Variants in CDKL5 observed in about 807,000 individuals in gnomAD.
The protein encoded by CDKL5 is cyclin dependent kinase like 5, also known as cyclin-dependent kinase-like 5.
A neutral mutation model predicts 61.7 loss-of-function variants in CDKL5; 8 were observed. The ratio of observed to expected loss-of-function variants is 0.13; its 90% CI spans 0.08 to 0.23. The LOEUF (loss-of-function observed/expected upper bound fraction) is 0.23. Ranked by LOEUF, CDKL5 falls within the 10% of genes least tolerant of loss-of-function variation. The pLI is 1.00. For missense variants in CDKL5, 440 were observed against 734.5 expected, an observed-to-expected ratio of 0.60 and a Z score of 4.63; for synonymous variants, 275 against 272.3, an observed-to-expected ratio of 1.01 and a Z score of -0.10.
At chrX:18,585,420 C>CA (rs889657036) in intron 8 of CDKL5, among the ~76,000 whole-genome samples, 1 of 110,701 alleles carries the variant, frequency 9.0e-6, no homozygotes, top group East Asian at 2.8e-4. Flanking sequence ...CCCCAAAAAA[C>CA]AAAAAAATGG....
Position 18,634,147 on chromosome X carries a change from T to G in CDKL5, c.*5390T>G, listed in dbSNP as rs950210042. On this transcript the variant is annotated 3_prime_UTR_variant, in exon 18 of 18. Coordinates refer to ENST00000623535, the MANE Select transcript of CDKL5 (RefSeq NM_001323289.2). Reference sequence around the variant, plus strand: ...TCTGAAAATCGGTCTCCATGTTGTATGCAGATTAGAAGTTGCCTTGTTTGT... The same window carrying G: ...TCTGAAAATCGGTCTCCATGTTGTAGGCAGATTAGAAGTTGCCTTGTTTGT... The G allele has an allele frequency of 2.7e-6, 2 of 752,258 alleles. No individual in the cohort carries two copies. Among genetic ancestry groups the G allele is most frequent in the Admixed American group, 8.9e-5 (1 of 11,287 alleles). The allele number at this position is 752,258 out of a possible 1,213,427, so 62.0% of individuals were successfully genotyped here.
At chrX:18,461,837 TAGG>T (rs1319373625) in intron 1 of CDKL5, among the ~76,000 whole-genome samples, 6 of 112,064 alleles carry the variant, frequency 5.4e-5, no homozygotes, top group Non-Finnish European at 1.1e-4. Context: ...CTAATGGGGA[TAGG>T]AGGCACATAC....
chrX:18,506,120 G>A (rs752071334), intron 1 of CDKL5, among the ~76,000 whole-genome samples: 4 of 112,483 alleles, frequency 3.6e-5, no homozygotes, highest in South Asian at 7.4e-4. Context: ...AGGCCAGTGG[G>A]AGTCACATCA....
chrX:18,620,648 G>A (rs1282927144), intron 16 of CDKL5, among the ~76,000 whole-genome samples: 5 of 111,871 alleles, frequency 4.5e-5, no homozygotes, highest in African/African-American at 9.8e-5. Context: ...AACCCGGCCT[G>A]TAGGACAGCA....
chrX:18,548,006 C>T (rs1050902357), intron 3 of CDKL5, among the ~76,000 whole-genome samples: 1 of 110,328 alleles, frequency 9.1e-6, no homozygotes, highest in African/African-American at 3.3e-5. Context: ...TTTTATTGGC[C>T]GGGGTTGGGT....
At chrX:18,466,033 A>G (rs761764556) in intron 1 of CDKL5, among the ~76,000 whole-genome samples, 32 of 111,737 alleles carry the variant, frequency 2.9e-4, no homozygotes, top group Non-Finnish European at 2.4e-4. Flanking sequence ...TTGATAAGCT[A>G]ATTTTTTCTG....
intron 8 of CDKL5, among the ~76,000 whole-genome samples, chrX:18,587,017 G>C (rs1211389482): frequency 8.9e-6 from 1 of 112,112 alleles, no homozygotes; most frequent in East Asian, 2.8e-4. Context: ...AATGTTAACA[G>C]TCCTTTGATT....
chrX:18,594,227 AGCCCT>A (rs1925919436), intron 9 of CDKL5, among the ~76,000 whole-genome samples: 1 of 112,232 alleles, frequency 8.9e-6, no homozygotes, highest in South Asian at 3.7e-4. Context: ...GAAGCAGACT[AGCCCT>A]GACATTTGGA....
At chrX:18,473,102 C>T (rs1281216905) in intron 1 of CDKL5, among the ~76,000 whole-genome samples, 1 of 108,835 alleles carries the variant, frequency 9.2e-6, no homozygotes, top group Non-Finnish European at 1.9e-5. Context: ...ACTACAGGCA[C>T]ATGCCACCAC....
chrX:18,550,351 C>A (rs751957168), intron 3 of CDKL5, among the ~76,000 whole-genome samples: 1 of 111,609 alleles, frequency 9.0e-6, no homozygotes, highest in African/African-American at 3.3e-5. Context: ...CATCCATACC[C>A]ACAGCTGCCA....
At chrX:18,535,529 G>A (rs1421672095) in intron 3 of CDKL5, 4 of 112,408 alleles carry the variant, frequency 3.6e-5, no homozygotes, top group Admixed American at 9.5e-5. Context: ...CTGCGAACGT[G>A]TACCATTGGT....
chrX:18,559,292 T>G (rs1280240930), intron 3 of CDKL5, among the ~76,000 whole-genome samples: 1 of 111,995 alleles, frequency 8.9e-6, no homozygotes. Flanking sequence ...CACTGCAACC[T>G]CTGCCTCCTG....
chrX:18,625,369 C>T, intron 17 of CDKL5, 122 bp downstream of exon 17: 1 of 732,823 alleles, frequency 1.4e-6, no homozygotes. Context: ...AGCACCTCCT[C>T]AAAATAGACC....
intron 12 of CDKL5, among the ~76,000 whole-genome samples, chrX:18,607,863 G>C (rs1926414904): frequency 8.9e-6 from 1 of 111,767 alleles, no homozygotes. Context: ...AAGAAGGAAG[G>C]CTATGTTGGA....
Position 18,604,510 on chromosome X carries a change from G to C in CDKL5, c.1586G>C (p.Ser529Thr), listed in dbSNP as rs756720478. The change falls in exon 12 of 18, where the codon AGC (serine) becomes ACC (threonine). Residue 529 changes from serine to threonine, a missense_variant. Ser to Thr is a moderately conservative substitution (Grantham distance 58, BLOSUM62 1). Around this residue, in one of 2 missense-constraint regions of CDKL5, gnomAD observed 363 missense variants for 516.3 expected, o/e 0.70. Transcript: ENST00000623535. ...TGCTTAGACTTGAATTCTCCCACCA[G>C]CCCAACCCCCACCAGACACAGTGAC... ...SSCLDLNSPT[S>T]PTPTRHSDTR... is the part of the protein sequence containing the mutation. 1.7e-6 allele frequency: 2 copies of C among 1,211,522 alleles called. No individual in the cohort carries two copies. The highest frequency in any genetic ancestry group is 3.0e-5 in the East Asian group (1 of 33,832).
chrX:18,546,600 G>T (rs920749753), intron 3 of CDKL5, among the ~76,000 whole-genome samples: 6 of 111,671 alleles, frequency 5.4e-5, no homozygotes. Context: ...CATGTCCCTT[G>T]TCTCATTTCT....
At chrX:18,653,341 G>T (rs1472221506) in intron 21 of CDKL5, 2 of 1,165,790 alleles carry the variant, frequency 1.7e-6, no homozygotes, top group Non-Finnish European at 2.3e-6. Flanking sequence ...GTGGCCTTCT[G>T]CTCCGTGGGG....
At position 18,540,456 on chromosome X, in the gene CDKL5, A is replaced by T. The variant is rs12009358; in HGVS notation, c.100-24021A>T. On this transcript the variant is annotated intron_variant, in intron 3 of 17. Coordinates refer to ENST00000623535, the MANE Select transcript of CDKL5 (RefSeq NM_001323289.2). ...CCTCCCAAAGTGCTGGGATTACAGG[A>T]GTGAACCACCACGCCTGGCTGGTTA... 8.5e-3 allele frequency among the ~76,000 whole-genome samples: 948 copies of T among 111,201 alleles called. 4 individuals are homozygous for T. The highest frequency in any genetic ancestry group is 0.047 in the Middle Eastern group (10 of 214).
At chrX:18,558,430 G>A (rs1382628968) in intron 3 of CDKL5, among the ~76,000 whole-genome samples, 2 of 111,247 alleles carry the variant, frequency 1.8e-5, no homozygotes, top group African/African-American at 6.5e-5. Flanking sequence ...ATTATATATC[G>A]CATCTCAGGG....
Sources: allele counts gnomAD v4.1 joint callset (sites outside exome capture counted in the v4.1 genomes callset), GRCh38; gene constraint gnomAD v4.1.1; regional missense constraint gnomAD v4.1.1; transcripts MANE v1.5; gene names NCBI Gene and HGNC (gene_info 2026-07-23, HGNC 2026-07-21).